The following CA13 variants were observed in gnomAD, a reference collection of about 807,000 sequenced individuals.
The protein encoded by CA13 is CA-XIII.
A neutral mutation model predicts 31.5 loss-of-function variants in CA13; 21 were observed. The observed-to-expected ratio is 0.67, with a 90% confidence interval of 0.47 to 0.96. CA13 has a LOEUF of 0.96. CA13 is among the 40% of genes least tolerant of loss of function. The pLI is 0.00. For missense variants in CA13, 315 were observed against 318.9 expected, an observed-to-expected ratio of 0.99 and a Z score of 0.09; for synonymous variants, 117 against 111.4, an observed-to-expected ratio of 1.05 and a Z score of -0.32.
At chr8:85,258,072 C>T (rs1807325727) in intron 2 of CA13, among the ~76,000 whole-genome samples, 1 of 150,494 alleles carries the variant, frequency 6.6e-6, no homozygotes, top group African/African-American at 2.4e-5. Context: ...TGCTATGTTG[C>T]CCAGGCTGGT....
At chr8:85,262,155 A>T (rs1361874915) in intron 3 of CA13, among the ~76,000 whole-genome samples, 1 of 412 alleles carries the variant, frequency 2.4e-3, no homozygotes, top group Non-Finnish European at 6.9e-3. Flanking sequence ...GAGGCCAAGG[A>T]GGGATGATTG....
chr8:85,249,760 T>C, intron 1 of CA13: 1 of 388,900 alleles, frequency 2.6e-6, no homozygotes, highest in South Asian at 1.9e-5. Flanking sequence ...TCAGGAATAG[T>C]AGAGAGAATA....
intron 1 of CA13, among the ~76,000 whole-genome samples, chr8:85,248,108 C>T (rs1813761922): frequency 6.6e-6 from 1 of 152,160 alleles, no homozygotes; most frequent in Admixed American, 6.5e-5. Flanking sequence ...GTGTATATCA[C>T]TGTAGGTATT....
chr8:85,267,160 A>G (rs1807470248), intron 4 of CA13: 2 of 714,142 alleles, frequency 2.8e-6, no homozygotes, highest in Non-Finnish European at 3.4e-6. Flanking sequence ...AATTATTGTC[A>G]TCATACCTGG....
chr8:85,268,755 G>A (rs778486164), intron 6 of CA13, 128 bp downstream of exon 6: 82 of 783,420 alleles, frequency 1.0e-4, no homozygotes, highest in Non-Finnish European at 1.5e-4. Flanking sequence ...TCATCAGACG[G>A]GTCGTTGGGC....
chr8:85,271,661 G>GA (rs1443770914), intron 6 of CA13, among the ~76,000 whole-genome samples: 6 of 152,052 alleles, frequency 3.9e-5, no homozygotes, highest in South Asian at 4.1e-4. Flanking sequence ...TCCTTTTAAA[G>GA]AAAAAAACTC....
intron 6 of CA13, among the ~76,000 whole-genome samples, chr8:85,274,013 G>T (rs1213645485): frequency 2.0e-5 from 3 of 151,902 alleles, no homozygotes; most frequent in Non-Finnish European, 2.9e-5. Flanking sequence ...TCTTCAGGGG[G>T]TATGTGTCTT....
In CA13 at chr8:85,250,875, A is replaced by AAATCATCAGC; in HGVS notation, c.176_185dup (p.Ser63HisfsTer11). The AAATCATCAGC allele has an allele frequency of 6.2e-7, 1 of 1,614,190 alleles. No individual in the cohort carries two copies. Among genetic ancestry groups the AAATCATCAGC allele is most frequent in the South Asian group, 1.1e-5 (1 of 91,084 alleles). ...ATCAAGTATGACCCAAGCTCAGCTAAAATCATCAGCAACAGCGGCCATTCC... is the reference window on the plus strand; with the variant it reads ...ATCAAGTATGACCCAAGCTCAGCTAAAATCATCAGCAATCATCAGCAACAGCGGCCATTCC... On this transcript the variant is annotated frameshift_variant, in exon 2 of 7. Coordinates refer to ENST00000321764, the MANE Select transcript of CA13 (RefSeq NM_198584.3). LOFTEE classifies it high-confidence loss of function.
At chr8:85,273,064 C>T (rs1807550013) in intron 6 of CA13, among the ~76,000 whole-genome samples, 3 of 152,170 alleles carry the variant, frequency 2.0e-5, no homozygotes, top group Non-Finnish European at 4.4e-5. Flanking sequence ...GTGATTTGCC[C>T]GCCTTGGCCT....
rs1236677808 is a variant in CA13, at chr8:85,276,554, G to A, written c.670-4676G>A. 2.0e-5 allele frequency among the ~76,000 whole-genome samples: 3 copies of A among 152,346 alleles called. No individual in the cohort carries two copies. In the East Asian group the frequency reaches 5.8e-4, roughly 29 times the overall value. ...TAAGGGATTGTAACTATTCCAATCGGCACTCTGTATCTAGCTCAAGGTTTG... is the reference window on the plus strand; with the variant it reads ...TAAGGGATTGTAACTATTCCAATCGACACTCTGTATCTAGCTCAAGGTTTG... On this transcript the variant is annotated intron_variant, in intron 6 of 6. Transcript: ENST00000321764.
At position 85,253,918 on chromosome 8, in the gene CA13, T is replaced by G. The variant is rs186103945; in HGVS notation, c.235+2981T>G. 3.3e-3 allele frequency among the ~76,000 whole-genome samples: 510 copies of G among 152,318 alleles called. 1 individual carries two copies. Among genetic ancestry groups the G allele is most frequent in the Non-Finnish European group, 3.4e-3 (232 of 68,022 alleles). ...AAGTTTATACCACATAAGTGTAGTT[T>G]GTTACTGTTTACAATATGTCAAACA... On this transcript the variant is annotated intron_variant, in intron 2 of 6. Coordinates refer to ENST00000321764, the MANE Select transcript of CA13 (RefSeq NM_198584.3).
chr8:85,253,975 A>C (rs947834779), intron 2 of CA13, among the ~76,000 whole-genome samples: 2 of 152,202 alleles, frequency 1.3e-5, no homozygotes, highest in African/African-American at 4.8e-5. Flanking sequence ...GAAAATAAAA[A>C]GATAAATAAA....
intron 3 of CA13, among the ~76,000 whole-genome samples, chr8:85,264,782 TA>T (rs1807434039): frequency 6.6e-6 from 1 of 152,262 alleles, no homozygotes; most frequent in Admixed American, 6.5e-5. Flanking sequence ...AAAACAATTT[TA>T]ACATCCTTAT....
chr8:85,280,855 A>G (rs1372416252), intron 6 of CA13, among the ~76,000 whole-genome samples: 2 of 152,202 alleles, frequency 1.3e-5, no homozygotes, highest in African/African-American at 2.4e-5. Context: ...AGGTTTCAAA[A>G]CAGCATATAT....
rs1396052764 is a variant in CA13, at chr8:85,250,801, G to A, written c.99G>A (p.Glu33=). ...IADGDQQSPI[E]IKTKEVKYDS... is the part of the protein sequence containing the mutation. Reference sequence around the variant, plus strand: ...ATGGTGATCAGCAATCTCCAATTGAGATTAAAACCAAAGAAGTGAAATATG... The same window carrying A: ...ATGGTGATCAGCAATCTCCAATTGAAATTAAAACCAAAGAAGTGAAATATG... The change falls in exon 2 of 7, where the codon GAG becomes GAA. Residue 33 remains glutamate, a synonymous_variant. Transcript: ENST00000321764. 2 of 1,613,944 alleles carry A rather than the reference G, an allele frequency of 1.2e-6. No individual in the cohort carries two copies. Among genetic ancestry groups the A allele is most frequent in the East Asian group, 2.2e-5 (1 of 44,864 alleles).
At chr8:85,277,036 G>A (rs141384254) in intron 6 of CA13, among the ~76,000 whole-genome samples, 83 of 152,248 alleles carry the variant, frequency 5.5e-4, no homozygotes, top group African/African-American at 1.8e-3. Flanking sequence ...ACCAATCAGC[G>A]CCCTGTCAAA....
At chr8:85,258,288 T>C (rs1475325616) in intron 2 of CA13, among the ~76,000 whole-genome samples, 2 of 152,118 alleles carry the variant, frequency 1.3e-5, no homozygotes, top group East Asian at 3.8e-4. Context: ...GACTATGTTT[T>C]CTATTAAGAA....
In CA13 at chr8:85,259,469, A is replaced by C. The variant is rs767771733; in HGVS notation, c.284A>C (p.His95Pro). ...LTGSYRLRQVHLHWGSADDHG... is the reference protein window; with the variant it reads ...LTGSYRLRQVPLHWGSADDHG... ...GGAAGCTACAGGTTACGGCAGGTTC[A>C]CCTTCACTGGGGGTCCGCTGATGAC... The change falls in exon 3 of 7, where the codon CAC becomes CCC. Residue 95 changes from histidine to proline, a missense_variant. Coordinates refer to ENST00000321764, the MANE Select transcript of CA13 (RefSeq NM_198584.3). 1 of 1,613,934 alleles carries C rather than the reference A, an allele frequency of 6.2e-7. No homozygotes were observed. Among genetic ancestry groups the C allele is most frequent in the Non-Finnish European group, 8.5e-7 (1 of 1,179,980 alleles).
At chr8:85,246,422 A>T (rs546894626) in intron 1 of CA13, 1 of 455,926 alleles carries the variant, frequency 2.2e-6, no homozygotes, top group Non-Finnish European at 4.4e-6. Context: ...TCCCACAGCA[A>T]TTTGCAGTTG....
Sources: allele counts gnomAD v4.1 joint callset (sites outside exome capture counted in the v4.1 genomes callset), GRCh38; gene constraint gnomAD v4.1.1; transcripts MANE v1.5; gene names NCBI Gene and HGNC (gene_info 2026-07-23, HGNC 2026-07-21).